Variants in WWOX observed in about 807,000 individuals in gnomAD.
WWOX encodes the protein WW domain-containing oxidoreductase.
A neutral mutation model predicts 46.2 loss-of-function variants in WWOX; 69 were observed. The ratio of observed to expected loss-of-function variants is 1.49; its 90% CI spans 1.23 to 1.82. The LOEUF (loss-of-function observed/expected upper bound fraction) is 1.82, where lower values mean the gene tolerates loss of function less well. Ranked by LOEUF, WWOX falls within the 40% of genes most tolerant of loss-of-function variation. WWOX has a pLI of 0.00. For missense variants in WWOX, 919 were observed against 542.6 expected, an observed-to-expected ratio of 1.69 and a Z score of -6.89; for synonymous variants, 359 against 202.6, an observed-to-expected ratio of 1.77 and a Z score of -6.56.
chr16:79,149,697 G>A (rs1285787171), intron 8 of WWOX, among the ~76,000 whole-genome samples: 3 of 152,206 alleles, frequency 2.0e-5, no homozygotes, highest in African/African-American at 7.2e-5. Context: ...ACTTCTCTCA[G>A]CTGGCATTCT....
At chr16:79,050,343 C>T (rs917379283) in intron 8 of WWOX, among the ~76,000 whole-genome samples, 3 of 152,168 alleles carry the variant, frequency 2.0e-5, no homozygotes, top group Admixed American at 6.5e-5. Flanking sequence ...GGTGGTTCTC[C>T]TCCACATGTC....
chr16:78,907,223 G>A (rs372341949), intron 8 of WWOX, among the ~76,000 whole-genome samples: 21 of 152,200 alleles, frequency 1.4e-4, no homozygotes, highest in African/African-American at 3.9e-4. Context: ...CCCTGAATCC[G>A]CTTCTGGGTG....
At chr16:79,111,345 C>T (rs980765813) in intron 8 of WWOX, among the ~76,000 whole-genome samples, 1 of 152,168 alleles carries the variant, frequency 6.6e-6, no homozygotes, top group Non-Finnish European at 1.5e-5. Context: ...GCAGAAAATC[C>T]AACCAGTGTG....
At chr16:78,802,981 A>G (rs138137689) in intron 8 of WWOX, among the ~76,000 whole-genome samples, 564 of 148,826 alleles carry the variant, frequency 3.8e-3, no homozygotes, top group African/African-American at 0.013. Context: ...GGCAAGAAAG[A>G]TGAAATGATT....
At chr16:78,336,986 G>C (rs983647843) in intron 5 of WWOX, among the ~76,000 whole-genome samples, 38 of 152,008 alleles carry the variant, frequency 2.5e-4, no homozygotes, top group African/African-American at 9.2e-4. Flanking sequence ...TCAGCATGTT[G>C]GCCAGGCTGG....
chr16:78,958,834 T>G (rs1439755123), intron 8 of WWOX, among the ~76,000 whole-genome samples: 1 of 152,240 alleles, frequency 6.6e-6, no homozygotes, highest in African/African-American at 2.4e-5. Context: ...GAAGGTTATG[T>G]AATTTTAAAA....
intron 8 of WWOX, among the ~76,000 whole-genome samples, chr16:79,055,590 C>T (rs115005459): frequency 8.9e-4 from 136 of 152,312 alleles, no homozygotes; most frequent in African/African-American, 3.2e-3. Context: ...CCTCAAGGCC[C>T]TGTCCAAACT....
chr16:79,073,150 G>GTTATGATTA (rs2048583327), intron 8 of WWOX, among the ~76,000 whole-genome samples: 1 of 143,116 alleles, frequency 7.0e-6, no homozygotes, highest in African/African-American at 2.6e-5. Context: ...GTAGTTATTC[G>GTTATGATTA]TTATTATTAT....
intron 5 of WWOX, among the ~76,000 whole-genome samples, chr16:78,318,260 C>G (rs752716609): frequency 7.5e-6 from 1 of 132,744 alleles, no homozygotes. Flanking sequence ...AGGAGCCCTC[C>G]GTCTGGGAGG....
At chr16:78,653,410 C>A (rs1257267846) in intron 8 of WWOX, among the ~76,000 whole-genome samples, 1 of 152,202 alleles carries the variant, frequency 6.6e-6, no homozygotes. Context: ...AATCCTTTTG[C>A]CTCTAATGAT....
intron 5 of WWOX, among the ~76,000 whole-genome samples, chr16:78,263,815 A>G (rs1300893876): frequency 6.6e-6 from 1 of 152,054 alleles, no homozygotes; most frequent in Non-Finnish European, 1.5e-5. Context: ...ACCTGCCTCC[A>G]ATGAAGCCAA....
At chr16:78,593,311 G>T (rs550102695) in intron 8 of WWOX, among the ~76,000 whole-genome samples, 14 of 152,108 alleles carry the variant, frequency 9.2e-5, no homozygotes, top group Middle Eastern at 3.2e-3. Flanking sequence ...AAAGTGCTGG[G>T]ATTATAGGCT....
intron 8 of WWOX, among the ~76,000 whole-genome samples, chr16:79,153,661 T>C (rs1331335362): frequency 2.0e-5 from 3 of 152,190 alleles, no homozygotes; most frequent in African/African-American, 7.2e-5. Context: ...TTGGGGATCA[T>C]AGAAGGCCTT....
chr16:78,894,223 C>A (rs1489450999), intron 8 of WWOX, among the ~76,000 whole-genome samples: 4 of 151,832 alleles, frequency 2.6e-5, no homozygotes. Context: ...CTTTTATTTC[C>A]ATAGTTAGCC....
chr16:78,839,172 G>A (rs1262241129), intron 8 of WWOX, among the ~76,000 whole-genome samples: 2 of 151,926 alleles, frequency 1.3e-5, no homozygotes, highest in Non-Finnish European at 2.9e-5. Context: ...AATATTTTGG[G>A]GGAAAAATTC....
At chr16:78,708,241 G>A (rs949838127) in intron 8 of WWOX, among the ~76,000 whole-genome samples, 1 of 152,140 alleles carries the variant, frequency 6.6e-6, no homozygotes, top group East Asian at 1.9e-4. Context: ...TGAATTTCAG[G>A]TAAATAACAT....
chr16:78,837,767 C>G (rs1444648961), intron 8 of WWOX, among the ~76,000 whole-genome samples: 1 of 152,138 alleles, frequency 6.6e-6, no homozygotes, highest in Admixed American at 6.6e-5. Context: ...TAGCCACCAT[C>G]TATCTATACT....
chr16:78,497,284 T>C (rs1316545169), intron 8 of WWOX, among the ~76,000 whole-genome samples: 3 of 152,246 alleles, frequency 2.0e-5, no homozygotes, highest in African/African-American at 7.2e-5. Context: ...GAATTTGTTC[T>C]TTTCTTACCT....
At chr16:78,396,669 G>A (rs887854398) in intron 6 of WWOX, among the ~76,000 whole-genome samples, 2 of 152,162 alleles carry the variant, frequency 1.3e-5, no homozygotes, top group African/African-American at 4.8e-5. Flanking sequence ...ATTATGTAAA[G>A]CACTAGACTA....
Sources: gnomAD v4.1 joint callset for allele counts (sites outside exome capture counted in the v4.1 genomes callset) on GRCh38, gnomAD v4.1.1 for gene constraint, MANE v1.5 for transcripts, NCBI Gene and HGNC (gene_info 2026-07-23, HGNC 2026-07-21) for gene names.